DNAH14: variants seen among roughly 807,000 people sequenced by gnomAD.
The protein encoded by DNAH14 is dynein axonemal heavy chain 14, also known as axonemal beta dynein heavy chain 14.
DNAH14 carries 478 observed loss-of-function variants against 520.9 expected under a neutral mutation model. That is an observed-to-expected ratio of 0.92 (90% CI 0.85 to 0.99). The LOEUF is 0.99. Among genes scored for constraint, DNAH14 ranks in the 50% least tolerant of loss-of-function variants. The pLI is 0.00. For missense variants in DNAH14, 4,831 were observed against 5,234.5 expected (o/e 0.92, Z 2.38); for synonymous variants, 1,581 against 1,757.2 (o/e 0.90, Z 2.51).
intron 36 of DNAH14, among the ~76,000 whole-genome samples, chr1:225,182,223 T>C (rs2084120034): frequency 6.6e-6 from 1 of 151,886 alleles, no homozygotes; most frequent in African/African-American, 2.4e-5. Flanking sequence ...AAGGAATTAA[T>C]TAAGAAATTA....
chr1:224,932,548 T>G (rs2058763848), intron 1 of DNAH14, among the ~76,000 whole-genome samples: 2 of 151,482 alleles, frequency 1.3e-5, no homozygotes, highest in South Asian at 4.1e-4. Context: ...CCAGGAGAGT[T>G]TTCCCTAGTT....
Position 225,335,291 on chromosome 1 carries a change from A to G in DNAH14, c.10080+1785A>G, listed in dbSNP as rs1301695748. On this transcript the variant is annotated intron_variant, in intron 66 of 85. Transcript: ENST00000682510. ...ACGTGTACATTGTGTGTATATGCACATATACACATGTGTACACGTGTGTAT... is the reference window on the plus strand; with the variant it reads ...ACGTGTACATTGTGTGTATATGCACGTATACACATGTGTACACGTGTGTAT... Among the ~76,000 whole-genome samples, 96 of 140,590 alleles carry G rather than the reference A, an allele frequency of 6.8e-4. 15 individuals are homozygous for G. The highest frequency in any genetic ancestry group is 2.5e-3 in the African/African-American group (95 of 38,046). The allele number at this position is 140,590 out of a possible 152,430, so 92.2% of individuals were successfully genotyped here.
chr1:225,237,046 G>A (rs898713229), intron 42 of DNAH14, among the ~76,000 whole-genome samples: 3 of 151,936 alleles, frequency 2.0e-5, no homozygotes, highest in Non-Finnish European at 2.9e-5. Context: ...CATTTGCTTG[G>A]TAAATTTTCT....
At chr1:225,020,516 A>T (rs1043283275) in intron 10 of DNAH14, among the ~76,000 whole-genome samples, 4 of 148,056 alleles carry the variant, frequency 2.7e-5, no homozygotes, top group Admixed American at 1.3e-4. Flanking sequence ...AAAAAAAAAA[A>T]CAACTCAAAG....
chr1:225,057,504 A>G (rs2069293206), intron 17 of DNAH14, among the ~76,000 whole-genome samples: 1 of 152,078 alleles, frequency 6.6e-6, no homozygotes, highest in Non-Finnish European at 1.5e-5. Context: ...TCTTTTCCTC[A>G]TTGAATACCC....
At chr1:225,215,702 A>T (rs1248202156) in intron 41 of DNAH14, among the ~76,000 whole-genome samples, 1 of 152,052 alleles carries the variant, frequency 6.6e-6, no homozygotes, top group Non-Finnish European at 1.5e-5. Context: ...GTTTTATTAG[A>T]GACTAGGATT....
intron 41 of DNAH14, among the ~76,000 whole-genome samples, chr1:225,209,239 C>A (rs1372798886): frequency 1.3e-5 from 2 of 152,132 alleles, no homozygotes; most frequent in Admixed American, 6.5e-5. Flanking sequence ...AATGGGCATA[C>A]TTTTTCTTCT....
chr1:225,353,693 GAA>G (rs955686613), intron 72 of DNAH14, 108 bp from the exon 73 acceptor site: 86 of 521,976 alleles, frequency 1.6e-4, no homozygotes, highest in Middle Eastern at 5.2e-4. Flanking sequence ...GCCATGTTTA[GAA>G]AAAAAAAAAA....
chr1:224,942,487 A>G (rs1030275001), intron 1 of DNAH14, among the ~76,000 whole-genome samples: 10 of 152,034 alleles, frequency 6.6e-5, no homozygotes, highest in African/African-American at 2.4e-4. Flanking sequence ...CTAATTGAAT[A>G]CCCTTTATTT....
At chr1:225,216,594 C>T (rs951354773) in intron 41 of DNAH14, among the ~76,000 whole-genome samples, 5 of 152,154 alleles carry the variant, frequency 3.3e-5, no homozygotes, top group African/African-American at 4.8e-5. Flanking sequence ...TTGTTCATTT[C>T]TTTTTACTCT....
intron 17 of DNAH14, among the ~76,000 whole-genome samples, chr1:225,059,491 G>A (rs908139783): frequency 3.8e-4 from 55 of 144,574 alleles, no homozygotes; most frequent in Non-Finnish European, 6.1e-4. Context: ...TTTTGCCAGT[G>A]TGTGTCTTTT....
intron 83 of DNAH14, among the ~76,000 whole-genome samples, chr1:225,391,523 G>T (rs1330530391): frequency 1.3e-5 from 2 of 152,118 alleles, no homozygotes; most frequent in African/African-American, 4.8e-5. Context: ...GGCAAGAGCT[G>T]CTGGTGATCA....
chr1:225,138,984 A>G (rs75900408), intron 27 of DNAH14, among the ~76,000 whole-genome samples: 11,101 of 152,252 alleles, frequency 0.073, 629 homozygotes, highest in East Asian at 0.24. Context: ...AAGTATTTTT[A>G]AAGCATACTT....
intron 15 of DNAH14, among the ~76,000 whole-genome samples, chr1:225,045,172 T>C (rs1473031330): frequency 6.6e-6 from 1 of 152,160 alleles, no homozygotes; most frequent in African/African-American, 2.4e-5. Flanking sequence ...TTCCTTTTTT[T>C]CCCTTTGGAT....
chr1:225,171,828 G>T (rs1235424078), intron 36 of DNAH14, among the ~76,000 whole-genome samples: 1 of 152,092 alleles, frequency 6.6e-6, no homozygotes, highest in Non-Finnish European at 1.5e-5. Flanking sequence ...AAGAATTTTA[G>T]ACCAGTATCC....
intron 81 of DNAH14, among the ~76,000 whole-genome samples, chr1:225,382,686 C>A (rs1285240955): frequency 1.3e-5 from 2 of 151,858 alleles, no homozygotes; most frequent in African/African-American, 4.8e-5. Context: ...TGCACTCCAG[C>A]CTGGGCAACA....
In DNAH14 at chr1:225,381,308, A is replaced by G. The variant is rs2095779676; in HGVS notation, c.12881-75A>G. The G allele has an allele frequency of 1.6e-5, 22 of 1,407,746 alleles. No individual in the cohort carries two copies. In the South Asian group the frequency reaches 2.9e-4, roughly 19 times the overall value. 87.2% of individuals were successfully genotyped at this position (1,407,746 alleles called of 1,614,324 possible). On this transcript the variant is annotated intron_variant, in intron 80 of 85. Transcript: ENST00000682510. Reference sequence around the variant, plus strand: ...ACACACAAAATTCCCTTAACTTTCAAAGCCTAAGTCCCTCCATGTAAAGCC... The same window carrying G: ...ACACACAAAATTCCCTTAACTTTCAGAGCCTAAGTCCCTCCATGTAAAGCC...
At chr1:225,023,973 C>T (rs1463801143) in intron 11 of DNAH14, 108 bp downstream of exon 11, 5 of 1,438,388 alleles carry the variant, frequency 3.5e-6, no homozygotes, top group South Asian at 1.6e-5. Flanking sequence ...GAAAATTCTC[C>T]TTGTGGCAGA....
chr1:225,192,707 A>T lies in DNAH14; in HGVS notation c.5682A>T (p.Arg1894Ser). 1 of 1,546,820 alleles carries T rather than the reference A, an allele frequency of 6.5e-7. No homozygotes were observed. ...ERKSASKISE[R>S]KGKVDICVLN... The stretch of plus-strand genomic sequence containing the variant: ...TGGATTTTTCCCAGATTTCAGAAAG[A>T]AAAGGAAAAGTAGATATTTGTGTTT... Residue 1894 changes from arginine to serine, a missense_variant, in exon 38 of 86, where the codon AGA becomes AGT. Arg to Ser is a moderately radical substitution (Grantham distance 110). Transcript: ENST00000682510.
Sources: allele counts gnomAD v4.1 joint callset (sites outside exome capture counted in the v4.1 genomes callset), GRCh38; gene constraint gnomAD v4.1.1; transcripts MANE v1.5; gene names NCBI Gene and HGNC (gene_info 2026-07-23, HGNC 2026-07-21).